Variants in STK36 observed in about 807,000 individuals in gnomAD.
STK36 encodes the protein serine/threonine-protein kinase 36.
A neutral mutation model predicts 142.2 loss-of-function variants in STK36; 116 were observed. The ratio of observed to expected loss-of-function variants is 0.82; its 90% CI spans 0.70 to 0.95. The LOEUF (loss-of-function observed/expected upper bound fraction) is 0.95, where lower values mean the gene tolerates loss of function less well. STK36 is among the 40% of genes least tolerant of loss of function. STK36 has a pLI of 0.00. For synonymous variants in STK36, 619 were observed against 641.7 expected, an observed-to-expected ratio of 0.96 and a Z score of 0.53; for missense variants, 1,422 against 1,617.2, an observed-to-expected ratio of 0.88 and a Z score of 2.07.
chr2:218,688,892 GA>G lies in STK36; in HGVS notation c.1560+18del. The G allele has an allele frequency of 6.3e-7, 1 of 1,576,020 alleles. No homozygotes were observed. Among genetic ancestry groups the G allele is most frequent in the South Asian group, 1.2e-5 (1 of 85,384 alleles). On this transcript the variant is annotated intron_variant, in intron 12 of 26. Transcript: ENST00000295709. ...CCTCCAGCAGGTAAGCACCAGGCCA[GA>G]AGCCTCTGAAGACTTACAGAGGTTC...
At position 218,679,660 on chromosome 2, in the gene STK36, C is replaced by T. The variant is rs765684163; in HGVS notation, c.879C>T (p.Ala293=). 2.5e-6 allele frequency: 4 copies of T among 1,614,002 alleles called. No individual in the cohort carries two copies. Among genetic ancestry groups the T allele is most frequent in the South Asian group, 1.1e-5 (1 of 91,082 alleles). The part of the protein sequence containing the change: ...VLKDEQAHRL[A]PKGNQSRILT... ...AGGACGAACAGGCCCATCGGTTGGC[C>T]CCCAAGGGTAATCAGTCTCGCATCT... Residue 293 remains alanine, a synonymous_variant, in exon 8 of 27, where the codon GCC becomes GCT. Transcript: ENST00000295709.
chr2:218,688,983 TTCC>T, intron 12 of STK36, 107 bp downstream of exon 12: 1 of 1,140,404 alleles, frequency 8.8e-7, no homozygotes, highest in East Asian at 2.7e-5. Flanking sequence ...TTTATTTTCT[TTCC>T]TCCTCTTTCT....
chr2:218,694,820 C>T lies in STK36; in HGVS notation c.2511+185C>T, dbSNP rs568637029. On this transcript the variant is annotated intron_variant, in intron 21 of 26. Transcript: ENST00000295709. This position sits in a 1 kb window ranked among gnomAD's most constrained non-coding sequence, Gnocchi z 4.4. Reference sequence around the variant, plus strand: ...TAGGCCCCTCTGAGCCCAGATTGATCTGGACTTTAGATTTCTTTTTAATAT... The same window carrying T: ...TAGGCCCCTCTGAGCCCAGATTGATTTGGACTTTAGATTTCTTTTTAATAT... 2.6e-5 allele frequency among the ~76,000 whole-genome samples: 4 copies of T among 152,294 alleles called. No homozygotes were observed. The highest frequency in any genetic ancestry group is 4.8e-5 in the African/African-American group (2 of 41,554).
chr2:218,689,409 G>A (rs562982965), intron 12 of STK36, among the ~76,000 whole-genome samples: 1 of 152,284 alleles, frequency 6.6e-6, no homozygotes, highest in African/African-American at 2.4e-5. Context: ...TGGAAGAGCT[G>A]GGATAGAGAC....
intron 26 of STK36, among the ~76,000 whole-genome samples, chr2:218,701,222 C>T (rs1393301558): frequency 1.3e-5 from 2 of 150,928 alleles, no homozygotes; most frequent in African/African-American, 4.9e-5. Context: ...GCAAGCTCTG[C>T]CTCCCGGGTT....
Position 218,680,076 on chromosome 2 carries a change from C to G in STK36, c.1132C>G (p.Pro378Ala). The change falls in exon 9 of 27, where the codon CCT becomes GCT. Residue 378 changes from proline to alanine, a missense_variant. Physicochemically the swap from Pro to Ala is conservative, Grantham distance 27 (BLOSUM62 -1). Transcript: ENST00000295709. ...AGGGACTGGAGAGGTGCCCTCTGCA[C>G]CTCGGTGAGAAGGGTATAGTTAGGG... ...KSGTGEVPSA[P>A]RENRTTPDCE... 6.2e-7 allele frequency: 1 copy of G among 1,613,916 alleles called. No individual in the cohort carries two copies. The highest frequency in any genetic ancestry group is 8.5e-7 in the Non-Finnish European group (1 of 1,179,924).
At chr2:218,684,861 C>T in intron 10 of STK36, 1 of 434,066 alleles carries the variant, frequency 2.3e-6, no homozygotes, top group Non-Finnish European at 4.1e-6. Flanking sequence ...TTCTAGGTAT[C>T]TCTTTATGCA....
intron 17 of STK36, 113 bp downstream of exon 17, chr2:218,693,457 AC>A: frequency 9.7e-7 from 1 of 1,035,648 alleles, no homozygotes; most frequent in Non-Finnish European, 1.4e-6. Context: ...ACTGAGAGAG[AC>A]CATTTGAGAC....
chr2:218,673,042 T>A lies in STK36; in HGVS notation c.84+129T>A, dbSNP rs760870635. ...GGTACTGACTCCCTCATACTTCTTA[T>A]GGAGTATAAGCTTTGAAGTTGGATT... is the stretch of plus-strand genomic sequence containing the variant. On this transcript the variant is annotated intron_variant, in intron 2 of 26. Transcript: ENST00000295709. 69 of 798,030 alleles carry A rather than the reference T, an allele frequency of 8.6e-5. 1 individual carries two copies. Among genetic ancestry groups the A allele is most frequent in the Non-Finnish European group, 1.4e-4 (68 of 490,062 alleles). 49.4% of individuals were successfully genotyped at this position (798,030 alleles called of 1,614,324 possible).
In STK36 at chr2:218,694,230, C is replaced by T. The variant is rs756684211; in HGVS notation, c.2337-34C>T. Reference sequence around the variant, plus strand: ...GGCCGCTTACCAACCTCCTTTAATACTGCTGCATCCCTTGATGTATCTCTT... The same window carrying T: ...GGCCGCTTACCAACCTCCTTTAATATTGCTGCATCCCTTGATGTATCTCTT... On this transcript the variant is annotated intron_variant, in intron 19 of 26. Transcript: ENST00000295709. The surrounding 1 kb of genome is among the most constrained non-coding windows in gnomAD (Gnocchi z 4.4). The T allele has an allele frequency of 3.2e-5, 51 of 1,584,198 alleles. No homozygotes were observed. Among genetic ancestry groups the T allele is most frequent in the Non-Finnish European group, 4.2e-5 (49 of 1,152,952 alleles).
intron 6 of STK36, among the ~76,000 whole-genome samples, chr2:218,677,029 G>GT (rs1338251889): frequency 1.3e-5 from 2 of 152,028 alleles, no homozygotes; most frequent in African/African-American, 2.4e-5. Flanking sequence ...TGCTTCCCAG[G>GT]TTCAAGCAAT....
intron 11 of STK36, 99 bp downstream of exon 11, chr2:218,685,327 T>C: frequency 6.7e-7 from 1 of 1,483,258 alleles, no homozygotes; most frequent in South Asian, 1.3e-5. Context: ...GTTTGTCCTT[T>C]TCCAGTTCTT....
rs1484745156 is a variant in STK36, at chr2:218,696,607, G to A, written c.2586+6G>A. On this transcript the variant is annotated splice_donor_region_variant and intron_variant, in intron 22 of 26. Transcript: ENST00000295709. ...TGTTGCAGCTCCTCACTGAGGTACA[G>A]ATGGATCTTGGGATGGATGGGAAGT... is the stretch of plus-strand genomic sequence containing the variant. 1.2e-6 allele frequency: 2 copies of A among 1,613,800 alleles called. No individual in the cohort carries two copies. The highest frequency in any genetic ancestry group is 2.7e-5 in the African/African-American group (2 of 74,910).
In STK36 at chr2:218,678,090, C is replaced by T. The variant is rs751319264; in HGVS notation, c.685-1078C>T. Among the ~76,000 whole-genome samples, 4 of 152,274 alleles carry T rather than the reference C, an allele frequency of 2.6e-5. No individual in the cohort carries two copies. The East Asian group carries it at 7.7e-4, about 29-fold the overall frequency. On this transcript the variant is annotated intron_variant, in intron 6 of 26. Transcript: ENST00000295709. The stretch of plus-strand genomic sequence containing the variant: ...ACAGGCGTGAGCCACTGCTCCTGGC[C>T]TCTATTTCTTTTTTAATTAATTAAA...
Position 218,672,143 on chromosome 2 carries a change from G to T in STK36, c.-162G>T, listed in dbSNP as rs1172768651. 7 of 708,262 alleles carry T rather than the reference G, an allele frequency of 9.9e-6. No individual in the cohort carries two copies. The East Asian group carries it at 1.9e-4, about 19-fold the overall frequency. The allele number at this position is 708,262 out of a possible 1,614,324, so 43.9% of individuals were successfully genotyped here. A position where few individuals can be genotyped will look rare whatever the true frequency, so the allele number is the denominator to read the frequency against. On this transcript the variant is annotated 5_prime_UTR_variant, in exon 1 of 27. Coordinates refer to ENST00000295709, the MANE Select transcript of STK36 (RefSeq NM_015690.5). ...TGTGTCCCAGGAAGTGCCCATGTGT[G>T]GTCCGCCGTCCATTCCACACCTCTG...
At chr2:218,690,608 C>G in intron 14 of STK36, 53 bp downstream of exon 14, 1 of 1,383,518 alleles carries the variant, frequency 7.2e-7, no homozygotes, top group Non-Finnish European at 1.0e-6. Flanking sequence ...CTCCGTGTTT[C>G]TCCCATCCCC....
chr2:218,699,974 G>C (rs2106368561), intron 26 of STK36, among the ~76,000 whole-genome samples: 1 of 152,082 alleles, frequency 6.6e-6, no homozygotes, highest in Admixed American at 6.5e-5. Context: ...GCCCAGGCCG[G>C]AGTGCATGGC....
Position 218,675,327 on chromosome 2 carries a change from C to A in STK36, c.304-16C>A. The A allele has an allele frequency of 6.3e-7, 1 of 1,592,938 alleles. No individual in the cohort carries two copies. Reference sequence around the variant, plus strand: ...TCTAACCTTTTTTTTCTTTCTTCCACCTCTTTAATTTCTAGGTTCAGGCCA... The same window carrying A: ...TCTAACCTTTTTTTTCTTTCTTCCAACTCTTTAATTTCTAGGTTCAGGCCA... On this transcript the variant is annotated splice_polypyrimidine_tract_variant and intron_variant, in intron 4 of 26. Transcript: ENST00000295709.
intron 12 of STK36, among the ~76,000 whole-genome samples, chr2:218,689,552 A>G (rs1307559330): frequency 6.6e-6 from 1 of 152,224 alleles, no homozygotes. Flanking sequence ...GGAAAGCTGC[A>G]CTTTGTTGAT....
Sources: gnomAD v4.1 joint callset for allele counts (sites outside exome capture counted in the v4.1 genomes callset) on GRCh38, gnomAD v4.1.1 for gene constraint, Gnocchi (gnomAD v3.1) non-coding constraint, MANE v1.5 for transcripts, NCBI Gene and HGNC (gene_info 2026-07-23, HGNC 2026-07-21) for gene names.